The following NKAIN2 variants were observed in gnomAD, a reference collection of about 807,000 sequenced individuals.
NKAIN2 encodes the protein sodium/potassium transporting ATPase interacting 2.
In NKAIN2, 14 loss-of-function variants were observed where a neutral mutation model predicts 32.6. The observed-to-expected ratio is 0.43, with a 90% CI of 0.28 to 0.67. NKAIN2 has a LOEUF of 0.67. Among genes scored for constraint, NKAIN2 ranks in the 30% least tolerant of loss-of-function variants. The probability of loss-of-function intolerance (pLI) is 0.17; values close to 1 mark genes in which losing one functional copy is unlikely to be tolerated. For synonymous variants in NKAIN2, 80 were observed against 87.2 expected, an observed-to-expected ratio of 0.92 and a Z score of 0.46; for missense variants, 198 against 258.3, an observed-to-expected ratio of 0.77 and a Z score of 1.60.
At chr6:124,182,511 A>G (rs551295390) in intron 1 of NKAIN2, among the ~76,000 whole-genome samples, 14 of 152,288 alleles carry the variant, frequency 9.2e-5, no homozygotes, top group Admixed American at 3.3e-4. Context: ...ACAAGTCCTC[A>G]CTAATTTGGT....
At chr6:124,659,288 C>G (rs2114430559) in intron 4 of NKAIN2, among the ~76,000 whole-genome samples, 1 of 152,130 alleles carries the variant, frequency 6.6e-6, no homozygotes, top group African/African-American at 2.4e-5. Context: ...CAAGCAGAAT[C>G]TGCTTTTTAC....
intron 1 of NKAIN2, among the ~76,000 whole-genome samples, chr6:123,874,017 C>A (rs1773042776): frequency 6.6e-6 from 1 of 152,134 alleles, no homozygotes; most frequent in South Asian, 2.1e-4. Context: ...GCCATCTGCT[C>A]CTTTTTAATT....
At chr6:123,982,463 TTGAACAC>T (rs1231831323) in intron 1 of NKAIN2, among the ~76,000 whole-genome samples, 2 of 152,128 alleles carry the variant, frequency 1.3e-5, no homozygotes, top group African/African-American at 4.8e-5. Context: ...ATTTCAGTTT[TTGAACAC>T]AGAATGAAGA....
intron 1 of NKAIN2, among the ~76,000 whole-genome samples, chr6:124,074,216 C>G (rs1554251425): frequency 6.6e-6 from 1 of 152,138 alleles, no homozygotes; most frequent in Non-Finnish European, 1.5e-5. Flanking sequence ...ACTCAGCGTT[C>G]AGGGTTTTTT....
At chr6:124,550,679 G>A (rs1165528208) in intron 3 of NKAIN2, among the ~76,000 whole-genome samples, 6 of 152,156 alleles carry the variant, frequency 3.9e-5, no homozygotes, top group Non-Finnish European at 1.5e-5. Context: ...TGCAGGAATA[G>A]TGATGCTTTT....
At chr6:124,139,071 AAAT>A (rs1437110782) in intron 1 of NKAIN2, among the ~76,000 whole-genome samples, 2 of 124,996 alleles carry the variant, frequency 1.6e-5, no homozygotes, top group Non-Finnish European at 3.2e-5. Context: ...AAACTTTTTT[AAAT>A]AAAAATTTTT....
At chr6:124,672,308 C>T (rs1203743806) in intron 4 of NKAIN2, among the ~76,000 whole-genome samples, 1 of 151,922 alleles carries the variant, frequency 6.6e-6, no homozygotes, top group East Asian at 1.9e-4. Flanking sequence ...AAATTCTTGC[C>T]AAAGTTGTCT....
At chr6:124,452,339 G>T (rs1776144351) in intron 3 of NKAIN2, among the ~76,000 whole-genome samples, 2 of 152,024 alleles carry the variant, frequency 1.3e-5, no homozygotes, top group Admixed American at 1.3e-4. Flanking sequence ...AGTGTAATGA[G>T]CCCACCCCAT....
At chr6:124,313,381 C>G (rs573566973) in intron 2 of NKAIN2, among the ~76,000 whole-genome samples, 1 of 152,194 alleles carries the variant, frequency 6.6e-6, no homozygotes, top group South Asian at 2.1e-4. Context: ...TTAAAAGCAT[C>G]TCAGGCAGGT....
At chr6:124,170,925 C>G (rs1788812137) in intron 1 of NKAIN2, among the ~76,000 whole-genome samples, 1 of 152,090 alleles carries the variant, frequency 6.6e-6, no homozygotes, top group Non-Finnish European at 1.5e-5. Context: ...TTCCCCAATT[C>G]AAAGCTTACC....
At chr6:124,360,562 C>T (rs1433714596) in intron 3 of NKAIN2, among the ~76,000 whole-genome samples, 1 of 151,726 alleles carries the variant, frequency 6.6e-6, no homozygotes, top group Non-Finnish European at 1.5e-5. Flanking sequence ...ATTAAAATTT[C>T]CATTAACATA....
chr6:124,150,511 C>T (rs1024603859), intron 1 of NKAIN2, among the ~76,000 whole-genome samples: 1 of 152,018 alleles, frequency 6.6e-6, no homozygotes, highest in African/African-American at 2.4e-5. Flanking sequence ...CATGCCACAT[C>T]CTATTCATTA....
intron 1 of NKAIN2, among the ~76,000 whole-genome samples, chr6:123,910,333 T>C (rs987020809): frequency 6.6e-6 from 1 of 152,142 alleles, no homozygotes; most frequent in Non-Finnish European, 1.5e-5. Context: ...ACAACACCCT[T>C]GAAAATAATT....
intron 5 of NKAIN2, chr6:124,804,385 A>C (rs1256241567): frequency 2.7e-6 from 1 of 368,806 alleles, no homozygotes; most frequent in African/African-American, 2.2e-5. Context: ...AAAAGCTTAA[A>C]GTGATTTTTC....
chr6:124,330,271 T>C (rs1327621817), intron 2 of NKAIN2, among the ~76,000 whole-genome samples: 1 of 152,206 alleles, frequency 6.6e-6, no homozygotes, highest in Non-Finnish European at 1.5e-5. Context: ...CTGATTTTAA[T>C]GGTTGTTTGT....
chr6:124,751,602 C>A (rs891499909), intron 4 of NKAIN2, among the ~76,000 whole-genome samples: 5 of 151,832 alleles, frequency 3.3e-5, no homozygotes, highest in Non-Finnish European at 5.9e-5. Context: ...TATTCATTAG[C>A]AAATTGCACT....
intron 3 of NKAIN2, among the ~76,000 whole-genome samples, chr6:124,454,745 G>A (rs944053964): frequency 6.6e-6 from 1 of 151,986 alleles, no homozygotes; most frequent in African/African-American, 2.4e-5. Flanking sequence ...AGTGGAAGAA[G>A]GGTGGTGTCT....
At chr6:124,721,512 G>C (rs1197555467) in intron 4 of NKAIN2, among the ~76,000 whole-genome samples, 2 of 152,002 alleles carry the variant, frequency 1.3e-5, no homozygotes, top group African/African-American at 2.4e-5. Context: ...AAGATACTGA[G>C]AACCCGCTGG....
intron 4 of NKAIN2, among the ~76,000 whole-genome samples, chr6:124,705,017 TA>T (rs1218075652): frequency 1.3e-5 from 2 of 152,018 alleles, no homozygotes; most frequent in Non-Finnish European, 2.9e-5. Flanking sequence ...CTCTTTTCTT[TA>T]AAAAAAGTTT....
Sources: allele counts gnomAD v4.1 joint callset (sites outside exome capture counted in the v4.1 genomes callset), GRCh38; gene constraint gnomAD v4.1.1; transcripts MANE v1.5; gene names NCBI Gene and HGNC (gene_info 2026-07-23, HGNC 2026-07-21).